The following SNX18 variants were observed in gnomAD, a reference collection of about 807,000 sequenced individuals.
The protein encoded by SNX18 is sorting nexin 18, also known as sorting nexin-18.
SNX18 carries 35 observed loss-of-function variants against 48.7 expected under a neutral mutation model. The observed-to-expected ratio is 0.72, with a 90% CI of 0.55 to 0.95. The LOEUF (loss-of-function observed/expected upper bound fraction) is 0.95. Ranked by LOEUF, SNX18 falls within the 40% of genes least tolerant of loss-of-function variation. SNX18 has a pLI of 0.00. For missense variants in SNX18, 824 were observed against 871.0 expected, an observed-to-expected ratio of 0.95 and a Z score of 0.68; for synonymous variants, 492 against 384.7, an observed-to-expected ratio of 1.28 and a Z score of -3.26.
At chr5:54,529,377 A>G (rs1762210407) in intron 1 of SNX18, among the ~76,000 whole-genome samples, 1 of 152,206 alleles carries the variant, frequency 6.6e-6, no homozygotes, top group Admixed American at 6.5e-5. Flanking sequence ...TGTTTGTTAC[A>G]GTGCTTGAGC....
chr5:54,646,911 G>A, the SNX18 span, among the ~76,000 whole-genome samples: 2 of 152,296 alleles, frequency 1.3e-5, no homozygotes, highest in East Asian at 3.9e-4. Context: ...CCTCCCAGCT[G>A]TGCTGCCTTT....
intron 1 of SNX18, among the ~76,000 whole-genome samples, chr5:54,530,444 C>A (rs1008382612): frequency 7.9e-5 from 12 of 152,068 alleles, no homozygotes; most frequent in African/African-American, 2.7e-4. Flanking sequence ...GCATTATTTG[C>A]CTTAAGTTGA....
chr5:54,581,450 C>T, the SNX18 span, among the ~76,000 whole-genome samples: 1 of 151,926 alleles, frequency 6.6e-6, no homozygotes, highest in Admixed American at 6.5e-5. Context: ...TAAAATATGA[C>T]TCCCCCGGCA....
At chr5:54,533,139 C>T (rs1006836389) in intron 1 of SNX18, among the ~76,000 whole-genome samples, 1 of 152,100 alleles carries the variant, frequency 6.6e-6, no homozygotes, top group Non-Finnish European at 1.5e-5. Context: ...CTATGCTTGT[C>T]TTGATCCTCT....
the SNX18 span, among the ~76,000 whole-genome samples, chr5:54,563,212 G>A: frequency 1.3e-5 from 2 of 152,152 alleles, no homozygotes; most frequent in Admixed American, 1.3e-4. Context: ...TGTAGTCTAA[G>A]AGTCCAGTGT....
the SNX18 span, among the ~76,000 whole-genome samples, chr5:54,611,013 A>G: frequency 1.3e-5 from 2 of 152,186 alleles, no homozygotes; most frequent in South Asian, 2.1e-4. Context: ...CCAGAACAGA[A>G]CAGACTGAAT....
intron 1 of SNX18, among the ~76,000 whole-genome samples, chr5:54,542,650 A>G (rs1762494184): frequency 6.6e-6 from 1 of 152,258 alleles, no homozygotes; most frequent in Admixed American, 6.5e-5. Flanking sequence ...TGACTGTGAC[A>G]TGATTCCAAA....
chr5:54,637,986 GGAGAGA>G, the SNX18 span, among the ~76,000 whole-genome samples: 13 of 149,416 alleles, frequency 8.7e-5, no homozygotes, highest in East Asian at 2.0e-4. Flanking sequence ...CTGCTGGACT[GGAGAGA>G]GAGAGAGAGA....
chr5:54,577,969 T>G, the SNX18 span, among the ~76,000 whole-genome samples: 1 of 152,174 alleles, frequency 6.6e-6, no homozygotes, highest in South Asian at 2.1e-4. Flanking sequence ...ATCTGCAAGT[T>G]AGGTTGCTCA....
At chr5:54,527,363 G>C (rs2565006) in intron 1 of SNX18, among the ~76,000 whole-genome samples, 81,552 of 149,850 alleles carry the variant, frequency 0.54, 22,920 homozygotes, top group Non-Finnish European at 0.56. Flanking sequence ...GGAGCCGGGG[G>C]GGGGGGTCCC....
At chr5:54,519,626 A>G (rs1554019137) in intron 1 of SNX18, 53 bp downstream of exon 1, 1 of 1,614,190 alleles carries the variant, frequency 6.2e-7, no homozygotes, top group South Asian at 1.1e-5. Flanking sequence ...GCAGGCTGAA[A>G]GGGGCGACTT....
At position 54,517,997 on chromosome 5, in the gene SNX18, C is replaced by T. The variant is rs756239816; in HGVS notation, c.45C>T (p.Asn15=). The T allele has an allele frequency of 1.9e-6, 3 of 1,545,032 alleles. No individual in the cohort carries two copies. The highest frequency in any genetic ancestry group is 1.9e-5 in the Admixed American group (1 of 51,656). The stretch of plus-strand genomic sequence containing the variant: ...CGCTGTACGACTTCAGGTCGGAGAA[C>T]CCAGGAGAGATCTCGCTGCGAGAGC... The part of the protein sequence containing the change: ...ARALYDFRSE[N]PGEISLREHE... Residue 15 remains asparagine, a synonymous_variant, in exon 1 of 2, where the codon AAC becomes AAT. Transcript: ENST00000381410.
Position 54,543,259 on chromosome 5 carries a change from G to A in SNX18, c.1702G>A (p.Asp568Asn). 1 of 1,614,170 alleles carries A rather than the reference G, an allele frequency of 6.2e-7. No individual in the cohort carries two copies. The highest frequency in any genetic ancestry group is 8.5e-7 in the Non-Finnish European group (1 of 1,180,034). The change falls in exon 2 of 2, where the codon GAT becomes AAT. Residue 568 changes from aspartate (D) to asparagine (N), a missense_variant. Transcript: ENST00000381410. ...MEVQKADGIQDRCNTISFATL... is the reference protein window; with the variant it reads ...MEVQKADGIQNRCNTISFATL... ...GGTGCAGAAGGCTGACGGCATTCAG[G>A]ATCGCTGTAACACTATTTCTTTTGC...
chr5:54,628,042 T>C, the SNX18 span, among the ~76,000 whole-genome samples: 4 of 152,120 alleles, frequency 2.6e-5, no homozygotes, highest in Non-Finnish European at 4.4e-5. Flanking sequence ...CAGGAAAAGA[T>C]GGCAGGTACT....
chr5:54,632,191 G>T, the SNX18 span, among the ~76,000 whole-genome samples: 1 of 152,198 alleles, frequency 6.6e-6, no homozygotes, highest in Non-Finnish European at 1.5e-5. Flanking sequence ...CACCAGACAA[G>T]AACTCTGGCT....
downstream of SNX18, among the ~76,000 whole-genome samples, chr5:54,548,767 T>C (rs1392570816): frequency 6.6e-6 from 1 of 152,206 alleles, no homozygotes; most frequent in East Asian, 1.9e-4. Flanking sequence ...GCTAGTCACT[T>C]AACGTGAGTC....
chr5:54,641,089 T>C, the SNX18 span, among the ~76,000 whole-genome samples: 2 of 151,144 alleles, frequency 1.3e-5, no homozygotes, highest in African/African-American at 4.9e-5. Flanking sequence ...CAGGAAGGAG[T>C]ATACAGAAGT....
the SNX18 span, among the ~76,000 whole-genome samples, chr5:54,562,721 G>A: frequency 1.3e-5 from 2 of 152,148 alleles, no homozygotes; most frequent in Non-Finnish European, 2.9e-5. Context: ...TGTACTATAC[G>A]TTTTATGGTT....
the SNX18 span, among the ~76,000 whole-genome samples, chr5:54,632,261 C>T: frequency 1.8e-4 from 27 of 152,138 alleles, no homozygotes; most frequent in Non-Finnish European, 2.9e-4. Context: ...GATGTGCAGA[C>T]GCCAGGGGAG....
Sources: allele counts gnomAD v4.1 joint callset (sites outside exome capture counted in the v4.1 genomes callset), GRCh38; gene constraint gnomAD v4.1.1; transcripts MANE v1.5; gene names NCBI Gene and HGNC (gene_info 2026-07-23, HGNC 2026-07-21).